The following CC2D2B variants were observed in gnomAD, a reference collection of about 807,000 sequenced individuals.
The protein encoded by CC2D2B is coiled-coil and C2 domain containing 2B, also known as protein CC2D2B.
Under a neutral mutation model 161.2 loss-of-function variants are expected in CC2D2B, and 128 were observed. The observed-to-expected ratio is 0.79, with a 90% CI of 0.69 to 0.92. The LOEUF (loss-of-function observed/expected upper bound fraction) is 0.92, where lower values mean the gene tolerates loss of function less well. Ranked by LOEUF, CC2D2B falls within the 40% of genes least tolerant of loss-of-function variation. The pLI, the probability that CC2D2B is intolerant of heterozygous loss-of-function variation, is 0.00. For missense variants in CC2D2B, 1,173 were observed against 1,375.1 expected (o/e 0.85, Z 2.32); for synonymous variants, 391 against 449.8 (o/e 0.87, Z 1.65).
chr10:95,958,625 G>C (rs1467750695), intron 11 of CC2D2B, among the ~76,000 whole-genome samples: 1 of 152,062 alleles, frequency 6.6e-6, no homozygotes, highest in Non-Finnish European at 1.5e-5. Context: ...TCACTAGAGA[G>C]ATTCAAAGGC....
At chr10:95,938,420 G>A (rs774818463) in intron 7 of CC2D2B, 149 bp from the exon 8 acceptor site, 12 of 595,716 alleles carry the variant, frequency 2.0e-5, no homozygotes, top group East Asian at 2.8e-5. Flanking sequence ...GAGAGAGAGC[G>A]AGCGAGAAAG....
chr10:95,990,321 C>T (rs552129373), intron 20 of CC2D2B, among the ~76,000 whole-genome samples: 18 of 152,020 alleles, frequency 1.2e-4, no homozygotes, highest in African/African-American at 3.9e-4. Context: ...TCAAAGAATC[C>T]GGTAAGAAGG....
intron 1 of CC2D2B, among the ~76,000 whole-genome samples, chr10:95,910,831 A>T (rs1486694573): frequency 1.3e-5 from 2 of 152,200 alleles, no homozygotes; most frequent in Non-Finnish European, 2.9e-5. Flanking sequence ...AAGGGAATTC[A>T]TACATATTTT....
chr10:95,924,563 C>T lies in CC2D2B; in HGVS notation c.174+173C>T, dbSNP rs367841282. On this transcript the variant is annotated intron_variant, in intron 4 of 34. Coordinates refer to ENST00000646931, the MANE Select transcript of CC2D2B (RefSeq NM_001349008.3). Reference sequence around the variant, plus strand: ...TATTTTCCTTTTGTCTCATAACATCCTTATAATGTCAAACCTAAAGCCAAG... The same window carrying T: ...TATTTTCCTTTTGTCTCATAACATCTTTATAATGTCAAACCTAAAGCCAAG... Among the ~76,000 whole-genome samples the T allele has an allele frequency of 4.1e-3, 627 of 152,122 alleles. 3 individuals are homozygous for T. The highest frequency in any genetic ancestry group is 0.013 in the South Asian group (65 of 4,824).
rs12247224 is a variant in CC2D2B at position 95,983,047 on chromosome 10, C to T, written c.2083-559C>T. Reference sequence around the variant, plus strand: ...ATGGCCTCCCAAAGTGCTGGGATTACAGGCATGAGCCACTGCGCCCAGCCT... The same window carrying T: ...ATGGCCTCCCAAAGTGCTGGGATTATAGGCATGAGCCACTGCGCCCAGCCT... On this transcript the variant is annotated intron_variant, in intron 18 of 34. Coordinates refer to ENST00000646931, the MANE Select transcript of CC2D2B (RefSeq NM_001349008.3). Among the ~76,000 whole-genome samples, 1,112 of 152,356 alleles carry T rather than the reference C, an allele frequency of 7.3e-3. 12 individuals are homozygous for T. The highest frequency in any genetic ancestry group is 0.025 in the African/African-American group (1,040 of 41,582).
At chr10:95,950,219 A>G in intron 10 of CC2D2B, 114 bp downstream of exon 10, 2 of 396,106 alleles carry the variant, frequency 5.0e-6, no homozygotes, top group African/African-American at 2.1e-5. Flanking sequence ...ACAATGGTTC[A>G]ATTTCAGTTT....
In CC2D2B at chr10:95,965,967, GA is replaced by G; in HGVS notation, c.1326del (p.Glu443AsnfsTer14). On this transcript the variant is annotated frameshift_variant, in exon 13 of 35. Transcript: ENST00000646931. LOFTEE classifies it high-confidence loss of function. ...TCTGAAACTGAGAAGAAAAATGAAG[GA>G]AAAGAACTTAAGAATGGGAAAAAAC... is the stretch of plus-strand genomic sequence containing the variant. ...EMSETEKKNEGKELKNGKKLE... is the reference protein window; with the variant it reads ...EMSETEKKNEXKELKNGKKLE... 1 of 1,216,266 alleles carries G rather than the reference GA, an allele frequency of 8.2e-7. No individual in the cohort carries two copies. Among genetic ancestry groups the G allele is most frequent in the Non-Finnish European group, 1.0e-6 (1 of 973,976 alleles). 75.3% of individuals were successfully genotyped at this position (1,216,266 alleles called of 1,614,324 possible).
At chr10:95,936,186 G>T (rs964251610) in intron 6 of CC2D2B, among the ~76,000 whole-genome samples, 4 of 152,186 alleles carry the variant, frequency 2.6e-5, no homozygotes, top group Admixed American at 2.0e-4. Context: ...TAGGAGTAAA[G>T]AGTGGGGCAA....
chr10:95,943,646 TTGC>T (rs1370886156), intron 9 of CC2D2B, among the ~76,000 whole-genome samples: 4 of 152,196 alleles, frequency 2.6e-5, no homozygotes, highest in Non-Finnish European at 5.9e-5. Flanking sequence ...TCATGGGTTT[TTGC>T]TGCTATTTTT....
intron 5 of CC2D2B, among the ~76,000 whole-genome samples, chr10:95,926,820 GTGTGTGTGTGTGTGTGTGTGTGTGTGTC>G (rs1345117300): frequency 1.7e-5 from 2 of 117,256 alleles, no homozygotes; most frequent in African/African-American, 3.1e-5. Context: ...GTGGCAGTGT[GTGTGTGTGTGTGTGTGTGTGTGTGTGTC>G]TGTGTGTGTG....
At chr10:95,973,909 T>A in intron 16 of CC2D2B, 100 bp from the exon 17 acceptor site, 1 of 558,508 alleles carries the variant, frequency 1.8e-6, no homozygotes, top group Admixed American at 4.4e-5. Context: ...TCTTCCTTTG[T>A]GTTCCTAGAG....
At chr10:95,975,809 A>G (rs1439105002) in intron 17 of CC2D2B, among the ~76,000 whole-genome samples, 1 of 152,250 alleles carries the variant, frequency 6.6e-6, no homozygotes, top group Non-Finnish European at 1.5e-5. Flanking sequence ...GGTCATTTTA[A>G]GAGCAAATCT....
chr10:95,937,650 T>A (rs1345824520), intron 6 of CC2D2B, among the ~76,000 whole-genome samples: 1 of 152,130 alleles, frequency 6.6e-6, no homozygotes, highest in African/African-American at 2.4e-5. Context: ...TGGTCTGGTA[T>A]CTTTGGACCC....
chr10:95,932,351 T>C (rs938568742), intron 6 of CC2D2B, among the ~76,000 whole-genome samples: 1 of 152,218 alleles, frequency 6.6e-6, no homozygotes, highest in African/African-American at 2.4e-5. Flanking sequence ...AGTCTGTATC[T>C]TTTAACTGGG....
intron 4 of CC2D2B, 85 bp downstream of exon 4, chr10:95,924,475 C>A: frequency 4.1e-6 from 3 of 726,678 alleles, no homozygotes; most frequent in Non-Finnish European, 4.5e-6. Context: ...GTCAAAAGAG[C>A]CGAAATTCAG....
At chr10:95,994,101 G>A (rs528300952) in intron 22 of CC2D2B, among the ~76,000 whole-genome samples, 2 of 149,722 alleles carry the variant, frequency 1.3e-5, no homozygotes, top group South Asian at 4.3e-4. Flanking sequence ...AGAGAAAACC[G>A]CTGGGCCCAG....
rs763775803 is a variant in CC2D2B at position 96,013,877 on chromosome 10, G to T, written c.3516G>T (p.Glu1172Asp). The change falls in exon 29 of 35, where the codon GAG becomes GAT. Residue 1172 changes from glutamate (E) to aspartate (D), a missense_variant and splice_region_variant. By Grantham distance (45) the Glu-to-Asp change is conservative (BLOSUM62 2). Transcript: ENST00000646931. Reference protein sequence around the residue: ...NDGSDIWMTSEHCISLAIGNK... With the variant: ...NDGSDIWMTSDHCISLAIGNK... ...GCTCTGATATATGGATGACATCAGA[G>T]GTAATAAATTACATTTTATATATAT... is the stretch of plus-strand genomic sequence containing the variant. 1.4e-6 allele frequency: 2 copies of T among 1,475,490 alleles called. No homozygotes were observed. Among genetic ancestry groups the T allele is most frequent in the Non-Finnish European group, 1.8e-6 (2 of 1,084,196 alleles). The allele number at this position is 1,475,490 out of a possible 1,614,324, so 91.4% of individuals were successfully genotyped here. A position where few individuals can be genotyped will look rare whatever the true frequency, so the allele number is the denominator to read the frequency against.
chr10:96,031,635 T>C (rs1056499830), intron 34 of CC2D2B, among the ~76,000 whole-genome samples, 185 bp from the exon 35 acceptor site: 2 of 152,202 alleles, frequency 1.3e-5, no homozygotes, highest in African/African-American at 4.8e-5. Flanking sequence ...ATAGGGTTGT[T>C]TGAGGATTAA....
intron 6 of CC2D2B, among the ~76,000 whole-genome samples, chr10:95,933,400 T>C (rs1020522843): frequency 6.6e-6 from 1 of 152,162 alleles, no homozygotes; most frequent in African/African-American, 2.4e-5. Flanking sequence ...ATCAAACTTA[T>C]TCTCTGTCCA....
Sources: allele counts gnomAD v4.1 joint callset (sites outside exome capture counted in the v4.1 genomes callset), GRCh38; gene constraint gnomAD v4.1.1; transcripts MANE v1.5; gene names NCBI Gene and HGNC (gene_info 2026-07-23, HGNC 2026-07-21).